KALRN: variants seen among roughly 807,000 people sequenced by gnomAD.
KALRN encodes kalirin.
KALRN carries 70 observed loss-of-function variants against 353.7 expected under a neutral mutation model. The ratio of observed to expected loss-of-function variants is 0.20; its 90% CI spans 0.16 to 0.24. KALRN has a LOEUF of 0.24. Ranked by LOEUF, KALRN falls within the 10% of genes least tolerant of loss-of-function variation. The pLI is 1.00. For missense variants in KALRN, 2,791 were observed against 3,756.7 expected, an observed-to-expected ratio of 0.74 and a Z score of 6.72; for synonymous variants, 1,391 against 1,434.8, an observed-to-expected ratio of 0.97 and a Z score of 0.69.
At chr3:124,118,599 C>T (rs1157405193) in intron 1 of KALRN, among the ~76,000 whole-genome samples, 1 of 152,212 alleles carries the variant, frequency 6.6e-6, no homozygotes, top group African/African-American at 2.4e-5. Flanking sequence ...TTCTGTGCAT[C>T]TCTCTATGTG....
chr3:124,648,932 A>G (rs1280188034), intron 37 of KALRN, among the ~76,000 whole-genome samples: 2 of 152,316 alleles, frequency 1.3e-5, no homozygotes, highest in Admixed American at 6.5e-5. Context: ...TGACCTTTCC[A>G]TATTTTTAGC....
In KALRN at chr3:124,618,086, C is replaced by CTTTTTTTTTTTTTTTTT. The variant is rs71145464; in HGVS notation, c.5183-14310_5183-14294dup. ...GGAAAGAAAATACCAGTGCAGAAATCTTTTTTTTTTTTTTTTTTTTTTTTT... is the reference window on the plus strand; with the variant it reads ...GGAAAGAAAATACCAGTGCAGAAATCTTTTTTTTTTTTTTTTTTTTTTTTTTTTTTTTTTTTTTTTTT... On this transcript the variant is annotated intron_variant, in intron 34 of 59. Transcript: ENST00000682506. 9.5e-5 allele frequency among the ~76,000 whole-genome samples: 6 copies of CTTTTTTTTTTTTTTTTT among 63,336 alleles called. 2 individuals are homozygous for CTTTTTTTTTTTTTTTTT. The highest frequency in any genetic ancestry group is 1.7e-4 in the Non-Finnish European group (6 of 36,066). 41.6% of individuals were successfully genotyped at this position (63,336 alleles called of 152,430 possible). A position where few individuals can be genotyped will look rare whatever the true frequency, so the allele number is the denominator to read the frequency against.
intron 1 of KALRN, among the ~76,000 whole-genome samples, chr3:124,052,145 G>T (rs2041101218): frequency 6.6e-6 from 1 of 152,190 alleles, no homozygotes; most frequent in African/African-American, 2.4e-5. Context: ...TACAGCTCAA[G>T]ACTGCTTGGT....
chr3:124,641,283 T>G (rs1383448725), intron 37 of KALRN, among the ~76,000 whole-genome samples: 1 of 152,190 alleles, frequency 6.6e-6, no homozygotes, highest in East Asian at 1.9e-4. Context: ...CTATCAGCCT[T>G]GGTCTTTAAT....
At chr3:124,343,991 T>C (rs1475335588) in intron 9 of KALRN, among the ~76,000 whole-genome samples, 6 of 152,110 alleles carry the variant, frequency 3.9e-5, no homozygotes, top group Admixed American at 3.9e-4. Flanking sequence ...AACAAAAAGA[T>C]AAAACCTCCA....
chr3:124,664,373 G>GCT (rs1248161868), intron 45 of KALRN, among the ~76,000 whole-genome samples: 1 of 125,608 alleles, frequency 8.0e-6, no homozygotes, highest in East Asian at 3.9e-4. Flanking sequence ...GTGTGTGTGC[G>GCT]CGCGCGCGCA....
chr3:124,442,844 G>T (rs1039201048), intron 19 of KALRN, among the ~76,000 whole-genome samples: 3 of 152,034 alleles, frequency 2.0e-5, no homozygotes, highest in African/African-American at 7.3e-5. Flanking sequence ...AATTAGCCTG[G>T]TATGGTGGCG....
chr3:124,642,806 G>GTTTTTTTGTTTTTGTTGTTTTTTT (rs1553707032), intron 37 of KALRN, among the ~76,000 whole-genome samples: 1 of 96,840 alleles, frequency 1.0e-5, no homozygotes, highest in African/African-American at 4.5e-5. Context: ...CCCAAGCCTC[G>GTTTTTTTGTTTTTGTTGTTTTTTT]TTTTTTTTTT....
chr3:124,707,104 T>C (rs749592333), intron 57 of KALRN, among the ~76,000 whole-genome samples: 14 of 151,950 alleles, frequency 9.2e-5, no homozygotes, highest in Non-Finnish European at 1.9e-4. Context: ...TTTGGGAGGC[T>C]GAGGCAGGAG....
At position 124,674,771 on chromosome 3, in the gene KALRN, T is replaced by C. The variant is rs1020988687; in HGVS notation, c.7193+157T>C. ...CCAGTGTTTGAGTGCTGACACCATA[T>C]GCAACATGGGGCATCCGGGCTGGAG... On this transcript the variant is annotated intron_variant, in intron 49 of 59. Coordinates refer to ENST00000682506, the MANE Select transcript of KALRN (RefSeq NM_001388419.1). 14 of 721,236 alleles carry C rather than the reference T, an allele frequency of 1.9e-5. No individual in the cohort carries two copies. The Admixed American group carries it at 4.5e-4, about 23-fold the overall frequency. 44.7% of individuals were successfully genotyped at this position (721,236 alleles called of 1,614,324 possible).
intron 13 of KALRN, chr3:124,407,685 T>G (rs1194845570): frequency 6.6e-6 from 1 of 152,246 alleles, no homozygotes; most frequent in African/African-American, 2.4e-5. Flanking sequence ...AAAAATGTAC[T>G]ATACTGTGCT....
chr3:124,372,914 A>ATGGTAGATTAGTGGTTTCAG (rs1463290464), intron 10 of KALRN, among the ~76,000 whole-genome samples: 1 of 152,162 alleles, frequency 6.6e-6, no homozygotes, highest in Non-Finnish European at 1.5e-5. Context: ...AGCGGTTTCA[A>ATGGTAGATTAGTGGTTTCAG]TGGTAGATGA....
chr3:124,366,733 C>G (rs1409449395), intron 10 of KALRN, among the ~76,000 whole-genome samples: 1 of 152,102 alleles, frequency 6.6e-6, no homozygotes, highest in Admixed American at 6.5e-5. Flanking sequence ...ACCTCCCAGA[C>G]GGGGTGGTGG....
chr3:124,587,103 G>A (rs957234178), intron 34 of KALRN, among the ~76,000 whole-genome samples: 1 of 152,216 alleles, frequency 6.6e-6, no homozygotes, highest in Non-Finnish European at 1.5e-5. Flanking sequence ...GGAGAGTCTT[G>A]AGGCTGTCTC....
chr3:124,043,217 G>C (rs984662945), intron 1 of KALRN, among the ~76,000 whole-genome samples: 3 of 152,110 alleles, frequency 2.0e-5, no homozygotes, highest in Non-Finnish European at 4.4e-5. Flanking sequence ...AGGAGTGAGC[G>C]CATGGGGAGG....
chr3:124,608,719 C>A (rs1480753060), intron 34 of KALRN, among the ~76,000 whole-genome samples: 1 of 152,192 alleles, frequency 6.6e-6, no homozygotes, highest in African/African-American at 2.4e-5. Flanking sequence ...CTGCTTAGAA[C>A]ACATAACTGA....
intron 1 of KALRN, among the ~76,000 whole-genome samples, chr3:124,073,661 A>G (rs767965593): frequency 4.6e-5 from 7 of 152,224 alleles, no homozygotes; most frequent in Non-Finnish European, 1.0e-4. Context: ...ACTAGCTACT[A>G]TATCAAGCTC....
At chr3:124,307,245 G>T (rs2077790116) in intron 6 of KALRN, among the ~76,000 whole-genome samples, 1 of 152,056 alleles carries the variant, frequency 6.6e-6, no homozygotes, top group Non-Finnish European at 1.5e-5. Context: ...GAGGTTGGTA[G>T]GAGCAAATTT....
intron 10 of KALRN, among the ~76,000 whole-genome samples, chr3:124,352,797 A>G (rs957300126): frequency 6.6e-6 from 1 of 152,124 alleles, no homozygotes; most frequent in Non-Finnish European, 1.5e-5. Flanking sequence ...TCTCACTCAT[A>G]AGTGGGAATT....
Sources: allele counts gnomAD v4.1 joint callset (sites outside exome capture counted in the v4.1 genomes callset), GRCh38; gene constraint gnomAD v4.1.1; transcripts MANE v1.5; gene names NCBI Gene and HGNC (gene_info 2026-07-23, HGNC 2026-07-21).